SLK: variants seen among roughly 807,000 people sequenced by gnomAD.
The protein encoded by SLK is STE20 like kinase, also known as STE20-like serine/threonine-protein kinase.
In SLK, 67 loss-of-function variants were observed where a neutral mutation model predicts 147.7. That is an observed-to-expected ratio of 0.45 (90% CI 0.37 to 0.56). The LOEUF (loss-of-function observed/expected upper bound fraction) is 0.56, where lower values mean the gene tolerates loss of function less well. Among genes scored for constraint, SLK ranks in the 20% least tolerant of loss-of-function variants. SLK has a pLI of 0.00. For synonymous variants in SLK, 441 were observed against 475.0 expected (o/e 0.93, Z 0.93); for missense variants, 1,136 against 1,438.8 (o/e 0.79, Z 3.41).
chr10:104,019,451 G>T (rs562362636), intron 15 of SLK, among the ~76,000 whole-genome samples: 9 of 151,918 alleles, frequency 5.9e-5, no homozygotes, highest in African/African-American at 1.9e-4. Context: ...AAAATTTTGT[G>T]TGTGGAGACA....
At chr10:103,994,220 T>G (rs536637557) in intron 4 of SLK, among the ~76,000 whole-genome samples, 13 of 152,262 alleles carry the variant, frequency 8.5e-5, no homozygotes, top group African/African-American at 2.9e-4. Flanking sequence ...CACCAGAAAT[T>G]GTGTAGCTTA....
rs1001665084 is a variant in SLK, at chr10:104,027,984, G to A, written c.*2264G>A. ...ACTGTACAGTGATACATATGTAGAG[G>A]TAAAGCATTCATTTTAATACTTAAA... is the stretch of plus-strand genomic sequence containing the variant. On this transcript the variant is annotated 3_prime_UTR_variant, in exon 19 of 19. Coordinates refer to ENST00000369755, the MANE Select transcript of SLK (RefSeq NM_014720.4). The A allele has an allele frequency of 5.3e-5, 8 of 152,104 alleles. No individual in the cohort carries two copies. Among genetic ancestry groups the A allele is most frequent in the African/African-American group, 1.9e-4 (8 of 41,416 alleles). The allele number at this position is 152,104 out of a possible 1,614,324, so 9.4% of individuals were successfully genotyped here. A position where few individuals can be genotyped will look rare whatever the true frequency, so the allele number is the denominator to read the frequency against.
chr10:104,018,344 A>G (rs1844490393), intron 14 of SLK, 55 bp downstream of exon 14: 3 of 1,493,896 alleles, frequency 2.0e-6, no homozygotes, highest in African/African-American at 1.4e-5. Context: ...TTATGACAGT[A>G]GAAGTGAATG....
chr10:103,989,998 G>A (rs1354079755), intron 1 of SLK, among the ~76,000 whole-genome samples: 1 of 152,210 alleles, frequency 6.6e-6, no homozygotes, highest in African/African-American at 2.4e-5. Flanking sequence ...ATATTATTCA[G>A]TGCTAAAAAG....
intron 13 of SLK, among the ~76,000 whole-genome samples, chr10:104,016,093 C>T (rs959630310): frequency 5.9e-5 from 9 of 151,862 alleles, no homozygotes; most frequent in South Asian, 2.1e-4. Flanking sequence ...CCGAGGTGGG[C>T]GAATCACAAG....
Position 104,008,161 on chromosome 10 carries a change from C to G in SLK, c.2605-16C>G, listed in dbSNP as rs548769150. 1.7e-5 allele frequency: 27 copies of G among 1,596,406 alleles called. No homozygotes were observed. The highest frequency in any genetic ancestry group is 3.3e-4 in the Middle Eastern group (2 of 6,004). On this transcript the variant is annotated splice_polypyrimidine_tract_variant and intron_variant, in intron 11 of 18. Transcript: ENST00000369755. ...GTGATGGAAAAGTTATCATCTTGAGCTATATTGTTTTACAGAGTAAAAAGC... is the reference window on the plus strand; with the variant it reads ...GTGATGGAAAAGTTATCATCTTGAGGTATATTGTTTTACAGAGTAAAAAGC...
chr10:104,029,147 A>C lies in SLK; in HGVS notation c.*3427A>C, dbSNP rs3124. ...TAAATTTTCAGAAAGAATTTTGTTT[A>C]AGATTATGCCTCTTATCTACTTGAG... On this transcript the variant is annotated 3_prime_UTR_variant, in exon 19 of 19. Transcript: ENST00000369755. 0.21 allele frequency: 31,876 copies of C among 152,148 alleles called. 3,706 individuals are homozygous for C. Among genetic ancestry groups the C allele is most frequent in the African/African-American group, 0.3 (12,523 of 41,492 alleles). The allele number at this position is 152,148 out of a possible 1,614,324, so 9.4% of individuals were successfully genotyped here.
rs1327916120 is a variant in SLK, at chr10:104,029,221, A to G, written c.*3501A>G. 6.6e-6 allele frequency: 1 copy of G among 152,184 alleles called. No individual in the cohort carries two copies. The highest frequency in any genetic ancestry group is 2.4e-5 in the African/African-American group (1 of 41,434). The allele number at this position is 152,184 out of a possible 1,614,324, so 9.4% of individuals were successfully genotyped here. On this transcript the variant is annotated 3_prime_UTR_variant, in exon 19 of 19. Transcript: ENST00000369755. The stretch of plus-strand genomic sequence containing the variant: ...GGATTGACACATGAAAAATAAAGTT[A>G]TTTCTTAATCAATTTTGGGAAGCAG...
At chr10:103,989,861 C>T (rs1471944721) in intron 1 of SLK, among the ~76,000 whole-genome samples, 6 of 152,160 alleles carry the variant, frequency 3.9e-5, no homozygotes, top group African/African-American at 1.4e-4. Flanking sequence ...AGTTGAAAAA[C>T]ATGTCTACAC....
At chr10:104,009,793 T>G (rs1222697162) in intron 12 of SLK, among the ~76,000 whole-genome samples, 2 of 151,000 alleles carry the variant, frequency 1.3e-5, no homozygotes, top group Non-Finnish European at 3.0e-5. Flanking sequence ...TATTTTTTTT[T>G]CCTTATTGCT....
chr10:104,012,889 T>C (rs1457840930), intron 13 of SLK, among the ~76,000 whole-genome samples: 1 of 152,222 alleles, frequency 6.6e-6, no homozygotes, highest in Non-Finnish European at 1.5e-5. Context: ...AATATAGATT[T>C]TTATTAATTC....
chr10:104,014,320 T>C (rs1045863345), intron 13 of SLK, among the ~76,000 whole-genome samples: 2 of 152,220 alleles, frequency 1.3e-5, no homozygotes, highest in Non-Finnish European at 2.9e-5. Flanking sequence ...CTATTCTCCT[T>C]ATTGTAGTTT....
intron 4 of SLK, among the ~76,000 whole-genome samples, chr10:103,994,585 CA>C (rs547613259): frequency 4.0e-5 from 6 of 148,738 alleles, no homozygotes; most frequent in Admixed American, 6.7e-5. Context: ...TCTTTAGGGC[CA>C]AAAAAAAACC....
chr10:103,972,669 CT>C (rs1843809542), intron 1 of SLK, among the ~76,000 whole-genome samples: 1 of 59,222 alleles, frequency 1.7e-5, no homozygotes, highest in Admixed American at 1.9e-4. Context: ...AAGACTCCGT[CT>C]CAAAAAAAAA....
chr10:103,977,912 T>C (rs541902956), intron 1 of SLK, among the ~76,000 whole-genome samples: 1 of 152,286 alleles, frequency 6.6e-6, no homozygotes, highest in East Asian at 1.9e-4. Flanking sequence ...AACATACACA[T>C]ATCAACTACC....
In SLK at chr10:103,992,674, A is replaced by G. The variant is rs191905212; in HGVS notation, c.364+28A>G. On this transcript the variant is annotated intron_variant, in intron 3 of 18. Transcript: ENST00000369755. The stretch of plus-strand genomic sequence containing the variant: ...AAATACCTTTTTGTTCTTTCTGTTC[A>G]TATCTTAAATTATACTTGATAAGAT... 3.7e-5 allele frequency: 58 copies of G among 1,572,074 alleles called. No individual in the cohort carries two copies. The Admixed American group carries it at 9.8e-4, about 27-fold the overall frequency.
chr10:103,972,053 T>C (rs1843799953), intron 1 of SLK, among the ~76,000 whole-genome samples: 1 of 152,242 alleles, frequency 6.6e-6, no homozygotes, highest in Non-Finnish European at 1.5e-5. Flanking sequence ...ATTGAACATA[T>C]TCTTTTGTGT....
Position 104,017,560 on chromosome 10 carries a change from A to C in SLK, c.2878-600A>C, listed in dbSNP as rs139798151. 2.3e-3 allele frequency among the ~76,000 whole-genome samples: 357 copies of C among 152,186 alleles called. 3 individuals are homozygous for C. Among genetic ancestry groups the C allele is most frequent in the Non-Finnish European group, 4.1e-3 (280 of 68,010 alleles). The stretch of plus-strand genomic sequence containing the variant: ...AGTGGCATGATCTCAGCTCACTGCC[A>C]CCTCCACCCTCTAGATTCAAGCAAT... On this transcript the variant is annotated intron_variant, in intron 13 of 18. Transcript: ENST00000369755.
At chr10:103,992,956 G>A (rs1589532981) in intron 3 of SLK, 28 bp from the exon 4 acceptor site, 1 of 1,538,244 alleles carries the variant, frequency 6.5e-7, no homozygotes, top group African/African-American at 1.4e-5. Flanking sequence ...ATAAAAAGCA[G>A]ATTTTTTTTT....
Sources: allele counts gnomAD v4.1 joint callset (sites outside exome capture counted in the v4.1 genomes callset), GRCh38; gene constraint gnomAD v4.1.1; transcripts MANE v1.5; gene names NCBI Gene and HGNC (gene_info 2026-07-23, HGNC 2026-07-21).